The following TNNI3K variants were observed in gnomAD, a reference collection of about 807,000 sequenced individuals.
The protein encoded by TNNI3K is TNNI3 interacting kinase.
In TNNI3K, 140 loss-of-function variants were observed where a neutral mutation model predicts 114.5. The observed-to-expected ratio is 1.22, with a 90% CI of 1.07 to 1.41. The LOEUF (loss-of-function observed/expected upper bound fraction) is 1.41. TNNI3K is among the 40% of genes most tolerant of loss of function. The pLI is 0.00. For missense variants in TNNI3K, 1,125 were observed against 1,007.6 expected (o/e 1.12, Z -1.58); for synonymous variants, 347 against 347.5 (o/e 1.00, Z 0.02).
chr1:74,401,383 C>T (rs1664356656), intron 17 of TNNI3K, among the ~76,000 whole-genome samples: 2 of 152,110 alleles, frequency 1.3e-5, no homozygotes, highest in South Asian at 4.1e-4. Flanking sequence ...CTGTATAATT[C>T]AGACCATTGT....
At chr1:74,384,246 C>G (rs187308852) in intron 17 of TNNI3K, among the ~76,000 whole-genome samples, 145 of 152,190 alleles carry the variant, frequency 9.5e-4, no homozygotes, top group African/African-American at 3.3e-3. Flanking sequence ...ACACGCTATT[C>G]CACAAGTCAC....
chr1:74,508,265 C>T (rs896658205), intron 23 of TNNI3K, among the ~76,000 whole-genome samples: 1 of 152,186 alleles, frequency 6.6e-6, no homozygotes, highest in Non-Finnish European at 1.5e-5. Flanking sequence ...TACCCTAGAA[C>T]TTAAAGTATA....
chr1:74,484,158 T>C (rs1458202396), intron 21 of TNNI3K, among the ~76,000 whole-genome samples: 1 of 151,912 alleles, frequency 6.6e-6, no homozygotes, highest in Non-Finnish European at 1.5e-5. Context: ...TTAACATCAT[T>C]TGAATTTTAT....
At chr1:74,506,453 T>A (rs973183778) in intron 23 of TNNI3K, among the ~76,000 whole-genome samples, 3 of 152,228 alleles carry the variant, frequency 2.0e-5, no homozygotes, top group African/African-American at 7.2e-5. Context: ...TACTACTTGC[T>A]GAGCTGCTAT....
chr1:74,310,790 TTAAA>T (rs1658946755), intron 5 of TNNI3K, among the ~76,000 whole-genome samples: 2 of 152,200 alleles, frequency 1.3e-5, no homozygotes, highest in Admixed American at 6.5e-5. Context: ...AACTAAGAAC[TTAAA>T]GATACATGCA....
intron 21 of TNNI3K, chr1:74,470,337 A>C (rs1013003678): frequency 7.5e-6 from 3 of 400,584 alleles, no homozygotes; most frequent in Non-Finnish European, 8.8e-6. Flanking sequence ...GAGTTAACAT[A>C]CTAGAATCTG....
chr1:74,291,679 A>T (rs978278861), intron 5 of TNNI3K, among the ~76,000 whole-genome samples: 12 of 151,574 alleles, frequency 7.9e-5, no homozygotes, highest in African/African-American at 2.7e-4. Context: ...TATGCTACAG[A>T]TGCCTTCTGC....
chr1:74,418,682 G>A (rs559693248), intron 17 of TNNI3K, among the ~76,000 whole-genome samples: 4 of 151,404 alleles, frequency 2.6e-5, no homozygotes, highest in African/African-American at 9.7e-5. Flanking sequence ...CCAAACTAAC[G>A]ACTCAATTTC....
intron 17 of TNNI3K, among the ~76,000 whole-genome samples, chr1:74,386,223 C>T (rs1271004582): frequency 2.6e-5 from 4 of 152,120 alleles, no homozygotes; most frequent in Admixed American, 2.6e-4. Flanking sequence ...GTATTGTGTA[C>T]GTCTTTATTA....
intron 17 of TNNI3K, among the ~76,000 whole-genome samples, chr1:74,402,224 T>G (rs934307120): frequency 6.6e-6 from 1 of 152,164 alleles, no homozygotes; most frequent in African/African-American, 2.4e-5. Flanking sequence ...GGGGCGGTAG[T>G]AAGAAGTTAT....
intron 17 of TNNI3K, among the ~76,000 whole-genome samples, chr1:74,386,214 T>G (rs1197134540): frequency 6.6e-6 from 1 of 152,156 alleles, no homozygotes; most frequent in Non-Finnish European, 1.5e-5. Flanking sequence ...AATTACCCAG[T>G]ATTGTGTACG....
intron 21 of TNNI3K, among the ~76,000 whole-genome samples, chr1:74,482,797 A>G (rs1054246393): frequency 5.3e-5 from 8 of 152,204 alleles, no homozygotes; most frequent in Non-Finnish European, 1.2e-4. Context: ...CAGCTCATTT[A>G]CCACCAATAA....
chr1:74,539,342 A>C (rs1358830166), intron 23 of TNNI3K, among the ~76,000 whole-genome samples: 1 of 152,188 alleles, frequency 6.6e-6, no homozygotes, highest in East Asian at 1.9e-4. Flanking sequence ...GTTCTTCTAC[A>C]GTCATGGTGA....
At chr1:74,469,166 C>A (rs1024404512) in intron 21 of TNNI3K, 3 of 151,426 alleles carry the variant, frequency 2.0e-5, no homozygotes, top group African/African-American at 7.3e-5. Context: ...AAGCCCTGTT[C>A]TTCTAAAATG....
intron 17 of TNNI3K, among the ~76,000 whole-genome samples, chr1:74,384,706 TA>T (rs1215347047): frequency 2.0e-5 from 3 of 152,032 alleles, no homozygotes; most frequent in Non-Finnish European, 2.9e-5. Flanking sequence ...CTGAAAAGAG[TA>T]TGTGGGAACT....
At position 74,445,649 on chromosome 1, in the gene TNNI3K, C is replaced by T. The variant is rs1206064690; in HGVS notation, c.2011+6027C>T. 3.3e-4 allele frequency among the ~76,000 whole-genome samples: 44 copies of T among 132,174 alleles called. No individual in the cohort carries two copies. The East Asian group carries it at 6.1e-3, about 18-fold the overall frequency. 86.7% of individuals were successfully genotyped at this position (132,174 alleles called of 152,430 possible). ...TTTTTGAGACGGAGTCTCGCTCTGT[C>T]GCCCAGGCTGGAGTGCAGTGGCGGG... On this transcript the variant is annotated intron_variant, in intron 20 of 24. Transcript: ENST00000326637.
At chr1:74,280,364 A>G (rs1656935036) in intron 5 of TNNI3K, among the ~76,000 whole-genome samples, 1 of 151,812 alleles carries the variant, frequency 6.6e-6, no homozygotes, top group South Asian at 2.1e-4. Flanking sequence ...TCTAGGTGAC[A>G]GAGCGAAACT....
chr1:74,355,534 G>A (rs1280750159), intron 11 of TNNI3K, among the ~76,000 whole-genome samples: 1 of 152,084 alleles, frequency 6.6e-6, no homozygotes, highest in Non-Finnish European at 1.5e-5. Flanking sequence ...AACCCGGGAG[G>A]CAGAGGTTGT....
At chr1:74,500,152 T>G (rs1442569133) in intron 23 of TNNI3K, among the ~76,000 whole-genome samples, 1 of 152,020 alleles carries the variant, frequency 6.6e-6, no homozygotes, top group East Asian at 1.9e-4. Flanking sequence ...CTGACCTCTA[T>G]AATACCTCTT....
Sources: gnomAD v4.1 joint callset for allele counts (sites outside exome capture counted in the v4.1 genomes callset) on GRCh38, gnomAD v4.1.1 for gene constraint, MANE v1.5 for transcripts, NCBI Gene and HGNC (gene_info 2026-07-23, HGNC 2026-07-21) for gene names.